The following PAIP2B variants were observed in gnomAD, a reference collection of about 807,000 sequenced individuals.
PAIP2B encodes polyadenylate-binding protein-interacting protein 2B.
In PAIP2B, 13 loss-of-function variants were observed where a neutral mutation model predicts 17.0. The ratio of observed to expected loss-of-function variants is 0.76; its 90% CI spans 0.50 to 1.22. PAIP2B has a LOEUF of 1.22. PAIP2B is among the 50% of genes most tolerant of loss of function. The pLI is 0.00. For missense variants in PAIP2B, 117 were observed against 144.5 expected (o/e 0.81, Z 0.98); for synonymous variants, 43 against 48.7 (o/e 0.88, Z 0.48).
rs758371754 is a variant in PAIP2B at position 71,185,345 on chromosome 2, CACA to C, written c.*3131_*3133del. Reference sequence around the variant, plus strand: ...GGCTGAGATGGGAGAATCACTTGAGCACAACAATTCAAGAGTAGCTTGGGAAAT... The same window carrying C: ...GGCTGAGATGGGAGAATCACTTGAGCACAATTCAAGAGTAGCTTGGGAAAT... On this transcript the variant is annotated 3_prime_UTR_variant, in exon 4 of 4. Transcript: ENST00000244221. The C allele has an allele frequency of 2.6e-5, 4 of 151,910 alleles. No homozygotes were observed. Among genetic ancestry groups the C allele is most frequent in the Non-Finnish European group, 5.9e-5 (4 of 67,992 alleles). 9.4% of individuals were successfully genotyped at this position (151,910 alleles called of 1,614,324 possible). A position where few individuals can be genotyped will look rare whatever the true frequency, so the allele number is the denominator to read the frequency against.
intron 1 of PAIP2B, among the ~76,000 whole-genome samples, chr2:71,217,115 G>A (rs1257990972): frequency 6.6e-6 from 1 of 152,122 alleles, no homozygotes; most frequent in African/African-American, 2.4e-5. Flanking sequence ...GAGAAGAAAA[G>A]TGGAATTATT....
chr2:71,212,050 TG>T (rs1675315202), intron 1 of PAIP2B, among the ~76,000 whole-genome samples: 1 of 152,200 alleles, frequency 6.6e-6, no homozygotes, highest in Non-Finnish European at 1.5e-5. Flanking sequence ...AGACTATTAA[TG>T]GGGGAAATAT....
chr2:71,202,675 C>T (rs954446810), intron 1 of PAIP2B, 75 bp from the exon 2 acceptor site: 3 of 1,251,054 alleles, frequency 2.4e-6, no homozygotes, highest in African/African-American at 3.0e-5. Context: ...CATGCAGATT[C>T]TGTCAGAAGC....
chr2:71,210,738 G>A (rs569446174), intron 1 of PAIP2B, among the ~76,000 whole-genome samples: 1 of 152,246 alleles, frequency 6.6e-6, no homozygotes, highest in Admixed American at 6.5e-5. Context: ...AAATGAGAAA[G>A]ACAATATAAA....
Position 71,188,594 on chromosome 2 carries a change from C to G in PAIP2B, c.316-59G>C, listed in dbSNP as rs369660231. The G allele has an allele frequency of 6.1e-4, 857 of 1,412,496 alleles. 3 individuals are homozygous for G. Among genetic ancestry groups the G allele is most frequent in the Non-Finnish European group, 7.4e-4 (749 of 1,016,258 alleles). 87.5% of individuals were successfully genotyped at this position (1,412,496 alleles called of 1,614,324 possible). On this transcript the variant is annotated intron_variant, in intron 3 of 3. Coordinates refer to ENST00000244221, the MANE Select transcript of PAIP2B (RefSeq NM_020459.1). ...GGCAAGCTGCATTTTAAAACTTACC[C>G]AGTCCATCATTATCAGTACCTTCCC...
At chr2:71,201,838 T>C (rs140712178) in intron 2 of PAIP2B, among the ~76,000 whole-genome samples, 4 of 152,348 alleles carry the variant, frequency 2.6e-5, no homozygotes, top group African/African-American at 4.8e-5. Flanking sequence ...TAATTTCACA[T>C]TGATCACTAC....
At chr2:71,208,412 G>A (rs917867254) in intron 1 of PAIP2B, among the ~76,000 whole-genome samples, 1 of 150,798 alleles carries the variant, frequency 6.6e-6, no homozygotes, top group East Asian at 2.3e-4. Context: ...GATGGAGCGA[G>A]ACTCCATTTC....
chr2:71,194,624 G>A (rs1177579872), intron 2 of PAIP2B, among the ~76,000 whole-genome samples: 3 of 152,148 alleles, frequency 2.0e-5, no homozygotes, highest in Non-Finnish European at 4.4e-5. Flanking sequence ...ATCAGCTAAA[G>A]GAGCTTTTGG....
intron 1 of PAIP2B, among the ~76,000 whole-genome samples, chr2:71,217,346 T>C (rs1017796874): frequency 2.0e-5 from 3 of 152,182 alleles, no homozygotes; most frequent in Admixed American, 6.5e-5. Context: ...TTTCACCATG[T>C]TGGTCAGGCT....
chr2:71,224,774 C>T (rs1675678524), intron 1 of PAIP2B, among the ~76,000 whole-genome samples: 1 of 152,228 alleles, frequency 6.6e-6, no homozygotes, highest in Non-Finnish European at 1.5e-5. Flanking sequence ...TTCCATTAAA[C>T]TGTGAGCTCC....
intron 2 of PAIP2B, among the ~76,000 whole-genome samples, chr2:71,193,718 G>A (rs938203740): frequency 6.6e-6 from 1 of 152,056 alleles, no homozygotes; most frequent in Non-Finnish European, 1.5e-5. Flanking sequence ...GCCGGGTGTG[G>A]TGGCAGGCAC....
chr2:71,188,636 G>T, intron 3 of PAIP2B, 101 bp from the exon 4 acceptor site: 4 of 994,962 alleles, frequency 4.0e-6, no homozygotes, highest in Non-Finnish European at 3.1e-6. Context: ...TTTAGGGAGA[G>T]AAAGAAAATT....
At chr2:71,191,960 C>T (rs1216112184) in intron 2 of PAIP2B, among the ~76,000 whole-genome samples, 1 of 152,220 alleles carries the variant, frequency 6.6e-6, no homozygotes, top group African/African-American at 2.4e-5. Context: ...ATTTCAGACT[C>T]ACATCCTGCC....
At chr2:71,198,475 C>G (rs996799120) in intron 2 of PAIP2B, among the ~76,000 whole-genome samples, 10 of 148,268 alleles carry the variant, frequency 6.7e-5, no homozygotes, top group Non-Finnish European at 1.5e-4. Context: ...TTAGTAGAGA[C>G]GGGGTTTCAC....
intron 1 of PAIP2B, among the ~76,000 whole-genome samples, chr2:71,212,076 C>A (rs1299554387): frequency 5.3e-5 from 8 of 152,178 alleles, no homozygotes; most frequent in Non-Finnish European, 1.2e-4. Context: ...AAGTCTTTAA[C>A]AGACAACGTT....
intron 1 of PAIP2B, among the ~76,000 whole-genome samples, chr2:71,209,830 T>C (rs907682862): frequency 6.7e-6 from 1 of 148,172 alleles, no homozygotes; most frequent in African/African-American, 2.5e-5. Flanking sequence ...ACATAGAACT[T>C]TTTTTTTTTT....
chr2:71,198,387 A>G (rs13022868), intron 2 of PAIP2B, among the ~76,000 whole-genome samples: 9,687 of 147,322 alleles, frequency 0.066, 319 homozygotes, highest in African/African-American at 0.091. Flanking sequence ...CTGGGTTCAC[A>G]CCATTCTCCT....
intron 3 of PAIP2B, among the ~76,000 whole-genome samples, 167 bp downstream of exon 3, chr2:71,189,678 C>A (rs1223291640): frequency 6.6e-6 from 1 of 152,178 alleles, no homozygotes; most frequent in Non-Finnish European, 1.5e-5. Context: ...AGGAGCAATG[C>A]ATCTTTAATG....
At position 71,204,716 on chromosome 2, in the gene PAIP2B, C is replaced by CAGTTCTTT. The variant is rs559606997; in HGVS notation, c.-11-2124_-11-2117dup. Among the ~76,000 whole-genome samples, 288 of 152,066 alleles carry CAGTTCTTT rather than the reference C, an allele frequency of 1.9e-3. 1 individual carries two copies. The highest frequency in any genetic ancestry group is 6.5e-3 in the African/African-American group (269 of 41,486). On this transcript the variant is annotated intron_variant, in intron 1 of 3. Coordinates refer to ENST00000244221, the MANE Select transcript of PAIP2B (RefSeq NM_020459.1). ...TCATAAGCTATAGAGGGAAAGAAAC[C>CAGTTCTTT]AGTTCTTTATTTTTACCACTTCCAT...
Sources: gnomAD v4.1 joint callset for allele counts (sites outside exome capture counted in the v4.1 genomes callset) on GRCh38, gnomAD v4.1.1 for gene constraint, MANE v1.5 for transcripts, NCBI Gene and HGNC (gene_info 2026-07-23, HGNC 2026-07-21) for gene names.